WIPI2: variants seen among roughly 807,000 people sequenced by gnomAD.
WIPI2 encodes the protein WD repeat domain phosphoinositide-interacting protein 2.
In WIPI2, 28 loss-of-function variants were observed where a neutral mutation model predicts 52.3. The ratio of observed to expected loss-of-function variants is 0.54; its 90% CI spans 0.40 to 0.73. The LOEUF (loss-of-function observed/expected upper bound fraction) is 0.73. WIPI2 is among the 30% of genes least tolerant of loss of function. The pLI is 0.00. For synonymous variants in WIPI2, 268 were observed against 245.0 expected, an observed-to-expected ratio of 1.09 and a Z score of -0.88; for missense variants, 506 against 602.9, an observed-to-expected ratio of 0.84 and a Z score of 1.68.
intron 2 of WIPI2, among the ~76,000 whole-genome samples, chr7:5,194,761 T>G (rs183011056): frequency 6.6e-6 from 1 of 152,300 alleles, no homozygotes; most frequent in Non-Finnish European, 1.5e-5. Flanking sequence ...CCACCACCCT[T>G]GACCTCAAAA....
intron 7 of WIPI2, 133 bp from the exon 8 acceptor site, chr7:5,222,469 C>A: frequency 1.1e-6 from 1 of 919,162 alleles, no homozygotes. Flanking sequence ...CTGGGGGACC[C>A]CAGACTCCTT....
chr7:5,193,109 T>G lies in WIPI2; in HGVS notation c.75-9T>G, dbSNP rs373330064. Reference sequence around the variant, plus strand: ...TTTGTTTTTTGTTTTGTTTTGTTTTTTTACCTAGAGAAGTGAAAGGGGCAT... The same window carrying G: ...TTTGTTTTTTGTTTTGTTTTGTTTTGTTACCTAGAGAAGTGAAAGGGGCAT... On this transcript the variant is annotated splice_polypyrimidine_tract_variant and intron_variant, in intron 1 of 12. Transcript: ENST00000288828. The G allele has an allele frequency of 8.7e-6, 14 of 1,613,510 alleles. No homozygotes were observed. The African/African-American group carries it at 9.3e-5, about 11-fold the overall frequency.
chr7:5,221,416 T>C (rs1783122873), intron 7 of WIPI2, among the ~76,000 whole-genome samples: 1 of 152,192 alleles, frequency 6.6e-6, no homozygotes, highest in Non-Finnish European at 1.5e-5. Context: ...AGTTTGAACC[T>C]CCTAAAATTT....
At chr7:5,229,414 A>T in intron 11 of WIPI2, 194 bp from the exon 12 acceptor site, 1 of 570,316 alleles carries the variant, frequency 1.8e-6, no homozygotes, top group South Asian at 2.3e-5. Flanking sequence ...CCCTCTTTAG[A>T]CTTTCCATGT....
intron 7 of WIPI2, 160 bp downstream of exon 7, chr7:5,218,174 C>T (rs1007289798): frequency 2.3e-5 from 15 of 651,678 alleles, no homozygotes; most frequent in Non-Finnish European, 2.9e-5. Flanking sequence ...GTGTACTGCC[C>T]GAGAGTGAGC....
intron 7 of WIPI2, among the ~76,000 whole-genome samples, chr7:5,221,955 T>TTA (rs1554254908): frequency 4.6e-4 from 44 of 95,530 alleles, no homozygotes; most frequent in Admixed American, 6.8e-4. Context: ...GCTTTTATTT[T>TTA]TTTTTTTTTT....
intron 8 of WIPI2, 100 bp downstream of exon 8, chr7:5,222,772 C>T: frequency 8.4e-7 from 1 of 1,195,660 alleles, no homozygotes. Flanking sequence ...AGGAGAATTC[C>T]ACACGAGCAT....
intron 11 of WIPI2, among the ~76,000 whole-genome samples, chr7:5,229,251 G>A (rs1430037937): frequency 2.6e-5 from 4 of 152,104 alleles, no homozygotes; most frequent in South Asian, 2.1e-4. Context: ...TCCTGACCTC[G>A]TGATCCGCCC....
chr7:5,232,969 C>G lies in WIPI2; in HGVS notation c.*2022C>G, dbSNP rs763996225. 2.0e-5 allele frequency: 3 copies of G among 152,272 alleles called. No individual in the cohort carries two copies. The South Asian group carries it at 6.2e-4, about 31-fold the overall frequency. 9.4% of individuals were successfully genotyped at this position (152,272 alleles called of 1,614,324 possible). On this transcript the variant is annotated 3_prime_UTR_variant, in exon 13 of 13. Transcript: ENST00000288828. The stretch of plus-strand genomic sequence containing the variant: ...TTCCTCGCTCAGCCTCGGCTTCCCG[C>G]ACTGTAAGATGAGGCAGTTGCAGAG...
chr7:5,204,000 ATCTGTGCAG>A (rs749180796), intron 3 of WIPI2, among the ~76,000 whole-genome samples: 44 of 152,224 alleles, frequency 2.9e-4, no homozygotes, highest in Non-Finnish European at 5.0e-4. Flanking sequence ...GAGTCAATAC[ATCTGTGCAG>A]TCTGGTTTCT....
intron 3 of WIPI2, among the ~76,000 whole-genome samples, chr7:5,204,635 T>G (rs1782202602): frequency 6.6e-6 from 1 of 152,190 alleles, no homozygotes; most frequent in Non-Finnish European, 1.5e-5. Flanking sequence ...CCGTAGAACT[T>G]AATGTCACTG....
At chr7:5,214,936 G>A (rs762933547) in intron 4 of WIPI2, among the ~76,000 whole-genome samples, 1 of 152,206 alleles carries the variant, frequency 6.6e-6, no homozygotes, top group Non-Finnish European at 1.5e-5. Context: ...TCCCATACAG[G>A]CGTCCCCGGC....
chr7:5,193,260 G>C (rs1383584432), intron 2 of WIPI2, 89 bp downstream of exon 2: 18 of 1,576,544 alleles, frequency 1.1e-5, no homozygotes, highest in Non-Finnish European at 1.3e-5. Flanking sequence ...CAGTGAACCA[G>C]TTAATAAGTG....
intron 3 of WIPI2, among the ~76,000 whole-genome samples, chr7:5,209,800 G>A (rs535621204): frequency 6.6e-6 from 1 of 152,238 alleles, no homozygotes; most frequent in South Asian, 2.1e-4. Context: ...ATCCATCTCA[G>A]TATATCTAGT....
At chr7:5,193,021 A>G (rs1483495327) in intron 1 of WIPI2, 97 bp from the exon 2 acceptor site, 1 of 1,162,746 alleles carries the variant, frequency 8.6e-7, no homozygotes, top group Non-Finnish European at 1.3e-6. Context: ...ATGATTTCCA[A>G]TGTCGTACTT....
In WIPI2 at chr7:5,232,450, CACA is replaced by C. The variant is rs1783771099; in HGVS notation, c.*1507_*1509del. 2 of 397,556 alleles carry C rather than the reference CACA, an allele frequency of 5.0e-6. No homozygotes were observed. The highest frequency in any genetic ancestry group is 1.4e-4 in the South Asian group (1 of 7,056). The allele number at this position is 397,556 out of a possible 1,614,324, so 24.6% of individuals were successfully genotyped here. A position where few individuals can be genotyped will look rare whatever the true frequency, so the allele number is the denominator to read the frequency against. ...CTCCCAGCCGCTGGTGTGCGGCACA[CACA>C]ACATCTGCATTAGGCAGAGGTGCAA... On this transcript the variant is annotated 3_prime_UTR_variant, in exon 13 of 13. Transcript: ENST00000288828.
chr7:5,209,665 G>T (rs956711779), intron 3 of WIPI2, among the ~76,000 whole-genome samples: 1 of 152,150 alleles, frequency 6.6e-6, no homozygotes, highest in Non-Finnish European at 1.5e-5. Flanking sequence ...TCCCATCACA[G>T]TTAACACCTG....
intron 3 of WIPI2, among the ~76,000 whole-genome samples, chr7:5,199,907 C>T (rs1393956670): frequency 5.9e-5 from 9 of 152,210 alleles, no homozygotes; most frequent in African/African-American, 2.2e-4. Flanking sequence ...GTCTTCAGTA[C>T]ATGAGCACAT....
rs375681307 is a variant in WIPI2 at position 5,229,575 on chromosome 7, A to C, written c.1122-33A>C. 138 of 1,603,440 alleles carry C rather than the reference A, an allele frequency of 8.6e-5. No homozygotes were observed. The African/African-American group carries it at 1.6e-3, about 18-fold the overall frequency. Reference sequence around the variant, plus strand: ...CTGCCCGCAGGGCTGCCCTGTGTGGAGACGCTGAGCTGTGTCGCTTTCTTC... The same window carrying C: ...CTGCCCGCAGGGCTGCCCTGTGTGGCGACGCTGAGCTGTGTCGCTTTCTTC... On this transcript the variant is annotated intron_variant, in intron 11 of 12. Transcript: ENST00000288828.
Sources: allele counts gnomAD v4.1 joint callset (sites outside exome capture counted in the v4.1 genomes callset), GRCh38; gene constraint gnomAD v4.1.1; transcripts MANE v1.5; gene names NCBI Gene and HGNC (gene_info 2026-07-23, HGNC 2026-07-21).